The following PRKCB variants were observed in gnomAD, a reference collection of about 807,000 sequenced individuals.
PRKCB encodes the protein protein kinase C beta type.
PRKCB carries 13 observed loss-of-function variants against 81.5 expected under a neutral mutation model. The ratio of observed to expected loss-of-function variants is 0.16; its 90% CI spans 0.10 to 0.25. PRKCB has a LOEUF of 0.25. Ranked by LOEUF, PRKCB falls within the 10% of genes least tolerant of loss-of-function variation. PRKCB has a pLI of 1.00. For missense variants in PRKCB, 509 were observed against 875.7 expected (o/e 0.58, Z 5.29); for synonymous variants, 335 against 321.4 (o/e 1.04, Z -0.45).
At chr16:24,172,797 C>T (rs1187978754) in intron 11 of PRKCB, among the ~76,000 whole-genome samples, 1 of 152,126 alleles carries the variant, frequency 6.6e-6, no homozygotes, top group African/African-American at 2.4e-5. Flanking sequence ...AATTCATGTC[C>T]CTGACTGCTT....
At chr16:24,056,795 C>G (rs1430841330) in intron 5 of PRKCB, among the ~76,000 whole-genome samples, 1 of 152,198 alleles carries the variant, frequency 6.6e-6, no homozygotes, top group Admixed American at 6.5e-5. Flanking sequence ...CAGCACCATG[C>G]TTCCTGGACA....
intron 15 of PRKCB, 108 bp downstream of exon 15, chr16:24,185,675 C>T (rs1967693123): frequency 1.2e-6 from 1 of 869,220 alleles, no homozygotes; most frequent in Middle Eastern, 2.3e-4. Context: ...GAACTCCACC[C>T]TTCACTCCAT....
chr16:24,080,247 C>T (rs1227787612), intron 5 of PRKCB, among the ~76,000 whole-genome samples: 2 of 152,156 alleles, frequency 1.3e-5, no homozygotes, highest in East Asian at 3.8e-4. Flanking sequence ...CACTCATCAC[C>T]TGCCCAGCAC....
chr16:23,928,992 C>A (rs1470727487), intron 2 of PRKCB, among the ~76,000 whole-genome samples: 1 of 152,048 alleles, frequency 6.6e-6, no homozygotes, highest in East Asian at 1.9e-4. Flanking sequence ...GTTGGGATTA[C>A]AGGCGTGAGC....
chr16:23,882,008 T>TTCTTTCTTTCTCTTTCTTTCTTTCTTTC (rs1211044814), intron 2 of PRKCB, among the ~76,000 whole-genome samples: 33 of 97,900 alleles, frequency 3.4e-4, no homozygotes, highest in Non-Finnish European at 4.6e-4. Flanking sequence ...CTTTCTTTCT[T>TTCTTTCTTTCTCTTTCTTTCTTTCTTTC]TCTTTCTTTC....
intron 10 of PRKCB, among the ~76,000 whole-genome samples, chr16:24,170,857 G>A (rs1967431076): frequency 6.6e-6 from 1 of 152,198 alleles, no homozygotes; most frequent in South Asian, 2.1e-4. Context: ...ATCAGAAACA[G>A]GGCTTACACA....
intron 5 of PRKCB, among the ~76,000 whole-genome samples, chr16:24,037,386 A>C (rs1243258114): frequency 1.3e-5 from 2 of 152,218 alleles, no homozygotes; most frequent in African/African-American, 2.4e-5. Context: ...ACAATAGCTA[A>C]GATGTGTTTA....
At chr16:24,161,625 C>A (rs776607761) in intron 10 of PRKCB, among the ~76,000 whole-genome samples, 1 of 151,994 alleles carries the variant, frequency 6.6e-6, no homozygotes, top group Non-Finnish European at 1.5e-5. Flanking sequence ...GGCAAATTGT[C>A]CTAGAAGCAC....
intron 3 of PRKCB, among the ~76,000 whole-genome samples, chr16:24,020,760 A>T (rs1965346587): frequency 6.6e-6 from 1 of 152,212 alleles, no homozygotes; most frequent in Non-Finnish European, 1.5e-5. Flanking sequence ...GTAGAGCCTC[A>T]GGAGCTTTCA....
At chr16:23,873,636 A>T (rs1962949239) in intron 2 of PRKCB, among the ~76,000 whole-genome samples, 1 of 152,132 alleles carries the variant, frequency 6.6e-6, no homozygotes. Context: ...CTAATTCCAA[A>T]CTTCTGGGAT....
intron 9 of PRKCB, among the ~76,000 whole-genome samples, chr16:24,153,627 T>C (rs1967110449): frequency 1.3e-5 from 2 of 152,144 alleles, no homozygotes; most frequent in South Asian, 2.1e-4. Flanking sequence ...AACCAAAGAA[T>C]GTTCAAAGAA....
chr16:24,150,157 C>T (rs976015254), intron 9 of PRKCB, among the ~76,000 whole-genome samples: 2 of 151,934 alleles, frequency 1.3e-5, no homozygotes, highest in Admixed American at 6.6e-5. Flanking sequence ...ATGGTGAAAC[C>T]CCATTTCTAC....
intron 5 of PRKCB, among the ~76,000 whole-genome samples, chr16:24,074,280 G>C (rs1477371417): frequency 6.6e-6 from 1 of 152,202 alleles, no homozygotes; most frequent in African/African-American, 2.4e-5. Flanking sequence ...CCGAGGCACT[G>C]TGATGTCGTG....
rs1968273210 is a variant in PRKCB, at chr16:24,218,796, C to T, written c.*3980C>T. 1 of 985,318 alleles carries T rather than the reference C, an allele frequency of 1.0e-6. No homozygotes were observed. Among genetic ancestry groups the T allele is most frequent in the East Asian group, 1.1e-4 (1 of 8,822 alleles). The allele number at this position is 985,318 out of a possible 1,614,324, so 61.0% of individuals were successfully genotyped here. On this transcript the variant is annotated 3_prime_UTR_variant, in exon 17 of 17. Transcript: ENST00000643927. ...ACTTTGGCTGCAGCCCGGGAATGTG[C>T]AGGGCACTAGGGAATACAAGGCCTT...
chr16:24,054,922 A>G (rs918604593), intron 5 of PRKCB, among the ~76,000 whole-genome samples: 2 of 152,166 alleles, frequency 1.3e-5, no homozygotes, highest in African/African-American at 4.8e-5. Context: ...GGTCTGATTG[A>G]GGTCTTGTTT....
chr16:23,987,740 G>A (rs376121851), intron 2 of PRKCB, among the ~76,000 whole-genome samples: 24 of 152,208 alleles, frequency 1.6e-4, no homozygotes, highest in Admixed American at 3.3e-4. Flanking sequence ...CCAGAAACCC[G>A]CAGTCTAGAG....
intron 2 of PRKCB, among the ~76,000 whole-genome samples, chr16:23,915,250 C>T (rs532827756): frequency 1.3e-5 from 2 of 152,220 alleles, no homozygotes; most frequent in South Asian, 4.2e-4. Flanking sequence ...CTTTTAAAAC[C>T]CTCTCTCCCT....
chr16:23,952,670 T>C (rs13339253), intron 2 of PRKCB, among the ~76,000 whole-genome samples: 1,641 of 152,322 alleles, frequency 0.011, 29 homozygotes, highest in African/African-American at 0.038. Context: ...CTGAAGGCAC[T>C]TCTGTTTTGT....
intron 2 of PRKCB, among the ~76,000 whole-genome samples, chr16:23,987,303 A>G (rs1964814799): frequency 6.9e-6 from 1 of 145,704 alleles, no homozygotes. Context: ...TTCTCGTCCT[A>G]TTTTCTCCCC....
Sources: gnomAD v4.1 joint callset for allele counts (sites outside exome capture counted in the v4.1 genomes callset) on GRCh38, gnomAD v4.1.1 for gene constraint, MANE v1.5 for transcripts, NCBI Gene and HGNC (gene_info 2026-07-23, HGNC 2026-07-21) for gene names.